Variants in GCA observed in about 807,000 individuals in gnomAD.
GCA encodes grancalcin.
In GCA, 30 loss-of-function variants were observed where a neutral mutation model predicts 32.6. The ratio of observed to expected loss-of-function variants is 0.92; its 90% CI spans 0.69 to 1.25. The LOEUF (loss-of-function observed/expected upper bound fraction) is 1.25, where lower values mean the gene tolerates loss of function less well. Ranked by LOEUF, GCA falls within the 50% of genes most tolerant of loss-of-function variation. The probability of loss-of-function intolerance (pLI) is 0.00; values close to 1 mark genes in which losing one functional copy is unlikely to be tolerated. For synonymous variants in GCA, 102 were observed against 84.6 expected, an observed-to-expected ratio of 1.21 and a Z score of -1.13; for missense variants, 291 against 266.8, an observed-to-expected ratio of 1.09 and a Z score of -0.63.
At chr2:162,366,533 C>G (rs543638749), downstream of GCA, among the ~76,000 whole-genome samples, 21 of 151,784 alleles carry the variant, frequency 1.4e-4, no homozygotes, top group African/African-American at 4.8e-4. Context: ...GACATTTAAC[C>G]GAAGTGTGTT....
chr2:162,326,518 T>C (rs1683886036), intron 1 of GCA, among the ~76,000 whole-genome samples: 1 of 152,112 alleles, frequency 6.6e-6, no homozygotes, highest in African/African-American at 2.4e-5. Flanking sequence ...TCTTTCTTTT[T>C]TCTTTTCTTT....
chr2:162,354,372 G>T (rs148147942), intron 3 of GCA, among the ~76,000 whole-genome samples: 1 of 152,044 alleles, frequency 6.6e-6, no homozygotes, highest in Non-Finnish European at 1.5e-5. Flanking sequence ...GACTCAGAAG[G>T]GTTCTCAAAT....
At chr2:162,337,594 G>A (rs75913496) in intron 1 of GCA, among the ~76,000 whole-genome samples, 3,074 of 152,238 alleles carry the variant, frequency 0.02, 115 homozygotes, top group African/African-American at 0.071. Context: ...TTAAGGTAAG[G>A]TGAGCTGAGA....
intron 1 of GCA, among the ~76,000 whole-genome samples, chr2:162,323,320 A>T (rs2105253844): frequency 6.6e-6 from 1 of 151,762 alleles, no homozygotes; most frequent in African/African-American, 2.4e-5. Flanking sequence ...CCTTTGTCGG[A>T]TGAGTAGGTT....
At position 162,362,583 on chromosome 2, in the gene GCA, T is replaced by C. The variant is rs1362671118; in HGVS notation, c.*2340T>C. On this transcript the variant is annotated 3_prime_UTR_variant, in exon 8 of 8. Transcript: ENST00000437150. ...AGTGCTTTTATTTATACAGTAAACATGTTTCCATGTCATTTTGAGAATTTT... is the reference window on the plus strand; with the variant it reads ...AGTGCTTTTATTTATACAGTAAACACGTTTCCATGTCATTTTGAGAATTTT... The C allele has an allele frequency of 6.4e-6, 6 of 940,974 alleles. No individual in the cohort carries two copies. The highest frequency in any genetic ancestry group is 7.6e-6 in the Non-Finnish European group (6 of 789,672). 58.3% of individuals were successfully genotyped at this position (940,974 alleles called of 1,614,324 possible). A position where few individuals can be genotyped will look rare whatever the true frequency, so the allele number is the denominator to read the frequency against.
At chr2:162,371,229 G>A (rs551217616) in intron 4 of GCA, 150 of 566,036 alleles carry the variant, frequency 2.7e-4, no homozygotes, top group Non-Finnish European at 4.2e-4. Flanking sequence ...ATTACTGTTG[G>A]CCTATGTTTA....
Position 162,323,104 on chromosome 2 carries a change from C to G in GCA, c.-31+3879C>G, listed in dbSNP as rs1033018943. ...GACTTTTTAATGATTGCCATTCTAA[C>G]TGGTGTGAGATGGTATCTCATTGTG... On this transcript the variant is annotated intron_variant, in intron 1 of 4. Coordinates refer to the GCA transcript ENST00000429691. Among the ~76,000 whole-genome samples the G allele has an allele frequency of 8.4e-4, 127 of 151,940 alleles. 3 individuals are homozygous for G. The highest frequency in any genetic ancestry group is 2.6e-3 in the African/African-American group (108 of 41,210).
intron 1 of GCA, 182 bp downstream of exon 1, chr2:162,344,457 C>G (rs1343277753): frequency 1.6e-6 from 1 of 611,276 alleles, no homozygotes; most frequent in East Asian, 2.8e-5. Flanking sequence ...CCTGGGCTGA[C>G]TTGGAGCCGC....
Position 162,359,517 on chromosome 2 carries a change from T to A in GCA, c.592T>A (p.Leu198Met). The change falls in exon 7 of 8, where the codon TTG becomes ATG. Residue 198 changes from leucine (L) to methionine (M), a missense_variant. By Grantham distance (15) the Leu-to-Met change is conservative. Coordinates refer to ENST00000437150, the MANE Select transcript of GCA (RefSeq NM_012198.5). ...AGATTTCTTTAGGAAAAGAGACCAC[T>A]TGCAACAAGGGTCTGCGAATTTCAT... ...LTDFFRKRDHLQQGSANFIYD... is the reference protein window; with the variant it reads ...LTDFFRKRDHMQQGSANFIYD... The A allele has an allele frequency of 6.5e-7, 1 of 1,544,158 alleles. No homozygotes were observed. Among genetic ancestry groups the A allele is most frequent in the African/African-American group, 1.4e-5 (1 of 73,044 alleles).
In GCA at chr2:162,360,586, A is replaced by G. The variant is rs553150194; in HGVS notation, c.*343A>G. The stretch of plus-strand genomic sequence containing the variant: ...GATAGATTGTATAAGAAGCCAAATA[A>G]TGAAAGCCTAGAAAAAACTAATTTA... On this transcript the variant is annotated 3_prime_UTR_variant, in exon 8 of 8. Coordinates refer to ENST00000437150, the MANE Select transcript of GCA (RefSeq NM_012198.5). 1.7e-6 allele frequency: 2 copies of G among 1,144,504 alleles called. No homozygotes were observed. Among genetic ancestry groups the G allele is most frequent in the Admixed American group, 4.1e-5 (1 of 24,652 alleles). The allele number at this position is 1,144,504 out of a possible 1,614,324, so 70.9% of individuals were successfully genotyped here. A position where few individuals can be genotyped will look rare whatever the true frequency, so the allele number is the denominator to read the frequency against.
At chr2:162,334,134 C>A (rs1488364097) in intron 1 of GCA, among the ~76,000 whole-genome samples, 1 of 152,176 alleles carries the variant, frequency 6.6e-6, no homozygotes, top group Non-Finnish European at 1.5e-5. Context: ...TGAGACTTCT[C>A]CACACTGCGA....
chr2:162,360,237 A>T lies in GCA; in HGVS notation c.648A>T (p.Ala216=). The T allele has an allele frequency of 6.4e-7, 1 of 1,573,412 alleles. No individual in the cohort carries two copies. Among genetic ancestry groups the T allele is most frequent in the East Asian group, 2.3e-5 (1 of 43,746 alleles). The change falls in exon 8 of 8, where the codon GCA becomes GCT. Residue 216 remains alanine (A), a synonymous_variant. Coordinates refer to ENST00000437150, the MANE Select transcript of GCA (RefSeq NM_012198.5). ...IYDDFLQGTM[A]I ...ATTAGTTTTTGCAGGGCACTATGGC[A>T]ATTTGAATGCTTAGAATTTTAAACC...
At position 162,361,235 on chromosome 2, in the gene GCA, G is replaced by A; in HGVS notation, c.*992G>A. On this transcript the variant is annotated 3_prime_UTR_variant, in exon 8 of 8. Coordinates refer to ENST00000437150, the MANE Select transcript of GCA (RefSeq NM_012198.5). Reference sequence around the variant, plus strand: ...GCATCTATGTGATGTGGTGTTTTGAGCATAGTAGGCACCACAGCAACTTTT... The same window carrying A: ...GCATCTATGTGATGTGGTGTTTTGAACATAGTAGGCACCACAGCAACTTTT... 1 of 984,442 alleles carries A rather than the reference G, an allele frequency of 1.0e-6. No homozygotes were observed. The highest frequency in any genetic ancestry group is 1.2e-6 in the Non-Finnish European group (1 of 829,220). The allele number at this position is 984,442 out of a possible 1,614,324, so 61.0% of individuals were successfully genotyped here.
chr2:162,361,673 G>T lies in GCA; in HGVS notation c.*1430G>T. Reference sequence around the variant, plus strand: ...TATAATTTGCTGTCAAATTCACTTGGTCAGTTTTATAAAAATGTGTGAATA... The same window carrying T: ...TATAATTTGCTGTCAAATTCACTTGTTCAGTTTTATAAAAATGTGTGAATA... On this transcript the variant is annotated 3_prime_UTR_variant, in exon 8 of 8. Transcript: ENST00000437150. The T allele has an allele frequency of 1.0e-6, 1 of 984,084 alleles. No homozygotes were observed. Among genetic ancestry groups the T allele is most frequent in the Non-Finnish European group, 1.2e-6 (1 of 828,996 alleles). 61.0% of individuals were successfully genotyped at this position (984,084 alleles called of 1,614,324 possible).
At position 162,352,394 on chromosome 2, in the gene GCA, T is replaced by C; in HGVS notation, c.249T>C (p.Asn83=). The C allele has an allele frequency of 6.4e-7, 1 of 1,563,216 alleles. No homozygotes were observed. The highest frequency in any genetic ancestry group is 8.8e-7 in the Non-Finnish European group (1 of 1,133,752). ...GATGTTTGACACAGTCTGGAATTAATGGAACTTACTCTCGTGAGATCTTTT... is the reference window on the plus strand; with the variant it reads ...GATGTTTGACACAGTCTGGAATTAACGGAACTTACTCTCGTGAGATCTTTT... ...LQRCLTQSGI[N]GTYSPFSLET... Residue 83 remains asparagine, a synonymous_variant, in exon 3 of 8, where the codon AAT becomes AAC. Coordinates refer to ENST00000437150, the MANE Select transcript of GCA (RefSeq NM_012198.5).
chr2:162,341,964 A>G (rs538381002), upstream of GCA, among the ~76,000 whole-genome samples: 1 of 152,316 alleles, frequency 6.6e-6, no homozygotes, highest in African/African-American at 2.4e-5. Flanking sequence ...CGTCGTATTC[A>G]CTCTATAACT....
chr2:162,323,451 G>A (rs1326827079), intron 1 of GCA, among the ~76,000 whole-genome samples: 1 of 151,776 alleles, frequency 6.6e-6, no homozygotes, highest in Non-Finnish European at 1.5e-5. Flanking sequence ...TGTTGCCATT[G>A]CTTTTGGTGT....
At chr2:162,352,150 A>G (rs1685032949) in intron 2 of GCA, among the ~76,000 whole-genome samples, 188 bp from the exon 3 acceptor site, 1 of 152,154 alleles carries the variant, frequency 6.6e-6, no homozygotes, top group Admixed American at 6.5e-5. Context: ...GGAAGAAATT[A>G]TTTCTGTGGT....
chr2:162,331,883 T>A (rs1234979930), intron 1 of GCA, among the ~76,000 whole-genome samples: 2 of 152,212 alleles, frequency 1.3e-5, no homozygotes, highest in African/African-American at 4.8e-5. Flanking sequence ...AAAGCTGTGA[T>A]ATAAGTGGAC....
Sources: allele counts gnomAD v4.1 joint callset (sites outside exome capture counted in the v4.1 genomes callset), GRCh38; gene constraint gnomAD v4.1.1; transcripts MANE v1.5; gene names NCBI Gene and HGNC (gene_info 2026-07-23, HGNC 2026-07-21).